The following CAMTA1 variants were observed in gnomAD, a reference collection of about 807,000 sequenced individuals.
CAMTA1 encodes the protein calmodulin-binding transcription activator 1.
Under a neutral mutation model 170.9 loss-of-function variants are expected in CAMTA1, and 27 were observed. The observed-to-expected ratio is 0.16, with a 90% CI of 0.12 to 0.22. The LOEUF is 0.22. CAMTA1 is among the 10% of genes least tolerant of loss of function. The probability of loss-of-function intolerance (pLI) is 1.00; values close to 1 mark genes in which losing one functional copy is unlikely to be tolerated. For missense variants in CAMTA1, 1,619 were observed against 2,217.2 expected, an observed-to-expected ratio of 0.73 and a Z score of 5.42; for synonymous variants, 833 against 891.5, an observed-to-expected ratio of 0.93 and a Z score of 1.17.
At position 7,766,897 on chromosome 1, in the gene CAMTA1, G is replaced by T. The variant is rs1351865168; in HGVS notation, c.*406G>T. 1.2e-5 allele frequency: 2 copies of T among 162,360 alleles called. No individual in the cohort carries two copies. Among genetic ancestry groups the T allele is most frequent in the East Asian group, 1.7e-4 (1 of 5,854 alleles). 10.1% of individuals were successfully genotyped at this position (162,360 alleles called of 1,614,324 possible). On this transcript the variant is annotated 3_prime_UTR_variant, in exon 23 of 23. Coordinates refer to ENST00000303635, the MANE Select transcript of CAMTA1 (RefSeq NM_015215.4). The stretch of plus-strand genomic sequence containing the variant: ...ATACCAAAAATATAGATAAGAAAAG[G>T]TGGGGCTATACTAGCAACAAAAAAA...
At chr1:7,351,734 T>C (rs922893637) in intron 5 of CAMTA1, among the ~76,000 whole-genome samples, 1 of 152,160 alleles carries the variant, frequency 6.6e-6, no homozygotes, top group Non-Finnish European at 1.5e-5. Flanking sequence ...CAAGGAGCCG[T>C]GGTCATTTGG....
chr1:7,134,753 A>C (rs1365002736), intron 4 of CAMTA1, among the ~76,000 whole-genome samples: 1 of 152,192 alleles, frequency 6.6e-6, no homozygotes, highest in East Asian at 1.9e-4. Context: ...GACACATGCA[A>C]TTATATGTTC....
intron 4 of CAMTA1, among the ~76,000 whole-genome samples, chr1:7,205,962 A>G (rs1232097166): frequency 2.0e-5 from 3 of 152,214 alleles, no homozygotes; most frequent in Non-Finnish European, 2.9e-5. Flanking sequence ...TTATTTAAAA[A>G]CATCTGTTTT....
At chr1:7,563,144 C>T (rs952148484) in intron 6 of CAMTA1, among the ~76,000 whole-genome samples, 2 of 152,232 alleles carry the variant, frequency 1.3e-5, no homozygotes, top group East Asian at 3.9e-4. Context: ...CGGGCTGTAG[C>T]CCCCAGGCAT....
At chr1:7,000,235 C>A (rs558526307) in intron 3 of CAMTA1, among the ~76,000 whole-genome samples, 1 of 152,384 alleles carries the variant, frequency 6.6e-6, no homozygotes, top group African/African-American at 2.4e-5. Flanking sequence ...TCTTTCACTT[C>A]CCGGTCCTGC....
chr1:7,391,770 T>A (rs1175879005), intron 5 of CAMTA1, among the ~76,000 whole-genome samples: 1 of 152,212 alleles, frequency 6.6e-6, no homozygotes, highest in Non-Finnish European at 1.5e-5. Flanking sequence ...GGATGTGGCC[T>A]TTTGAGTCTG....
At chr1:7,586,008 AG>A (rs1317109391) in intron 6 of CAMTA1, among the ~76,000 whole-genome samples, 1 of 152,088 alleles carries the variant, frequency 6.6e-6, no homozygotes, top group Non-Finnish European at 1.5e-5. Flanking sequence ...GAAATCCCCA[AG>A]ATTGTGGGAA....
intron 6 of CAMTA1, among the ~76,000 whole-genome samples, chr1:7,579,433 G>A (rs573050024): frequency 2.6e-5 from 4 of 152,242 alleles, no homozygotes; most frequent in Admixed American, 2.0e-4. Context: ...ACCTGCCGTT[G>A]TGTAGACAGG....
chr1:7,021,639 A>G (rs1341674151), intron 3 of CAMTA1, among the ~76,000 whole-genome samples: 1 of 152,208 alleles, frequency 6.6e-6, no homozygotes, highest in Non-Finnish European at 1.5e-5. Context: ...TTGCGGTGAC[A>G]GTTTCCCAGG....
rs1252186296 is a variant in CAMTA1 at position 7,547,352 on chromosome 1, A to G, written c.510+79451A>G. ...TGGGGAATATATGTATCATATGCAC[A>G]CACACACACACACACACACACACAC... On this transcript the variant is annotated intron_variant, in intron 6 of 22. Transcript: ENST00000303635. The surrounding 1 kb of genome is among the most constrained non-coding windows in gnomAD (Gnocchi z 5.7). Among the ~76,000 whole-genome samples, 130 of 33,390 alleles carry G rather than the reference A, an allele frequency of 3.9e-3. No homozygotes were observed. Among genetic ancestry groups the G allele is most frequent in the Admixed American group, 6.9e-3 (15 of 2,178 alleles). 21.9% of individuals were successfully genotyped at this position (33,390 alleles called of 152,430 possible). A position where few individuals can be genotyped will look rare whatever the true frequency, so the allele number is the denominator to read the frequency against.
At chr1:6,828,804 A>T (rs1038810235) in intron 3 of CAMTA1, among the ~76,000 whole-genome samples, 15 of 151,534 alleles carry the variant, frequency 9.9e-5, no homozygotes, top group African/African-American at 3.6e-4. Flanking sequence ...GTTAATTCTT[A>T]GGAACTTTCA....
chr1:7,191,720 G>A (rs1440855944), intron 4 of CAMTA1, among the ~76,000 whole-genome samples: 1 of 152,212 alleles, frequency 6.6e-6, no homozygotes. Context: ...ACACAGTGCT[G>A]TAACAAATAC....
At chr1:7,348,271 G>A (rs1360425302) in intron 5 of CAMTA1, among the ~76,000 whole-genome samples, 2 of 152,284 alleles carry the variant, frequency 1.3e-5, no homozygotes, top group Non-Finnish European at 1.5e-5. Flanking sequence ...CCTTGGTCTC[G>A]ACGACTTCTT....
chr1:7,321,880 G>C (rs780833088), intron 5 of CAMTA1, among the ~76,000 whole-genome samples: 1 of 152,070 alleles, frequency 6.6e-6, no homozygotes, highest in African/African-American at 2.4e-5. Flanking sequence ...CACCTCCCCT[G>C]CTGGGTTACA....
At chr1:7,168,623 G>C (rs1648984167) in intron 4 of CAMTA1, among the ~76,000 whole-genome samples, 2 of 152,062 alleles carry the variant, frequency 1.3e-5, no homozygotes, top group South Asian at 4.1e-4. Context: ...AGGCTGGCCT[G>C]GAACTCCTGA....
At chr1:7,395,039 C>T (rs1006171068) in intron 5 of CAMTA1, among the ~76,000 whole-genome samples, 17 of 152,012 alleles carry the variant, frequency 1.1e-4, no homozygotes, top group African/African-American at 3.9e-4. Context: ...TCCGCCACCA[C>T]GCCTGGTTAA....
intron 3 of CAMTA1, among the ~76,000 whole-genome samples, chr1:6,897,104 G>A (rs1200098603): frequency 6.6e-6 from 1 of 152,188 alleles, no homozygotes; most frequent in African/African-American, 2.4e-5. Flanking sequence ...TTTGACCAGA[G>A]CTGAAGATGC....
intron 5 of CAMTA1, among the ~76,000 whole-genome samples, chr1:7,416,137 T>C (rs1008786349): frequency 6.6e-6 from 1 of 152,252 alleles, no homozygotes; most frequent in Admixed American, 6.5e-5. Context: ...CCGCTGTTAG[T>C]CTGATGGGCT....
At chr1:7,242,512 T>C (rs1665035662) in intron 4 of CAMTA1, among the ~76,000 whole-genome samples, 1 of 152,214 alleles carries the variant, frequency 6.6e-6, no homozygotes, top group Non-Finnish European at 1.5e-5. Context: ...GTAGGTATGA[T>C]TTTATTTATT....
Sources: allele counts gnomAD v4.1 joint callset (sites outside exome capture counted in the v4.1 genomes callset), GRCh38; gene constraint gnomAD v4.1.1; non-coding constraint Gnocchi (gnomAD v3.1); transcripts MANE v1.5; gene names NCBI Gene and HGNC (gene_info 2026-07-23, HGNC 2026-07-21).